ARHGAP20: variants seen among roughly 807,000 people sequenced by gnomAD.
ARHGAP20 encodes rho GTPase-activating protein 20.
Under a neutral mutation model 73.7 loss-of-function variants are expected in ARHGAP20, and 34 were observed. The ratio of observed to expected loss-of-function variants is 0.46; its 90% CI spans 0.35 to 0.61. ARHGAP20 has a LOEUF of 0.61. ARHGAP20 is among the 20% of genes least tolerant of loss of function. ARHGAP20 has a pLI of 0.00. For synonymous variants in ARHGAP20, 523 were observed against 518.2 expected (o/e 1.01, Z -0.13); for missense variants, 1,314 against 1,420.9 (o/e 0.92, Z 1.21).
At chr11:110,697,123 G>A (rs1950351190) in intron 1 of ARHGAP20, among the ~76,000 whole-genome samples, 1 of 150,958 alleles carries the variant, frequency 6.6e-6, no homozygotes, top group African/African-American at 2.4e-5. Flanking sequence ...GGGATTGCAG[G>A]ATTGAATGGT....
chr11:110,638,766 C>T (rs1033332797), intron 2 of ARHGAP20, among the ~76,000 whole-genome samples: 11 of 151,844 alleles, frequency 7.2e-5, no homozygotes, highest in African/African-American at 1.2e-4. Context: ...AACCAAACAC[C>T]GCATGTTCTC....
At chr11:110,700,564 ACTTT>A (rs1950424156) in intron 1 of ARHGAP20, among the ~76,000 whole-genome samples, 1 of 149,808 alleles carries the variant, frequency 6.7e-6, no homozygotes, top group Non-Finnish European at 1.5e-5. Context: ...AAAGATAATT[ACTTT>A]TTTTTTTCTT....
Position 110,620,936 on chromosome 11 carries a change from C to T in ARHGAP20, c.503+3226G>A, listed in dbSNP as rs561746391. Among the ~76,000 whole-genome samples the T allele has an allele frequency of 3.7e-4, 56 of 151,790 alleles. No homozygotes were observed. The Middle Eastern group carries it at 0.01, about 28-fold the overall frequency. On this transcript the variant is annotated intron_variant, in intron 4 of 14. Coordinates refer to ENST00000683387, the MANE Select transcript of ARHGAP20 (RefSeq NM_001384657.1). ...AAAATACAAAAAAATTAGCTGGGCGCGGTGGTGTGCACCTGTAATCCCAGC... is the reference window on the plus strand; with the variant it reads ...AAAATACAAAAAAATTAGCTGGGCGTGGTGGTGTGCACCTGTAATCCCAGC...
At chr11:110,641,592 T>C (rs565131156) in intron 2 of ARHGAP20, among the ~76,000 whole-genome samples, 57 of 152,068 alleles carry the variant, frequency 3.7e-4, no homozygotes, top group African/African-American at 1.4e-3. Flanking sequence ...TTAAGAATAG[T>C]TCTGCTTCAT....
chr11:110,694,349 C>T (rs761356654), intron 1 of ARHGAP20, among the ~76,000 whole-genome samples: 1 of 151,812 alleles, frequency 6.6e-6, no homozygotes, highest in South Asian at 2.1e-4. Flanking sequence ...GGTTGGTGTA[C>T]AAGTAATTGC....
chr11:110,582,431 G>A lies in ARHGAP20; in HGVS notation c.1610C>T (p.Ser537Phe). Residue 537 changes from serine to phenylalanine, a missense_variant, in exon 14 of 15, where the codon TCC becomes TTC. Around this residue, in one of 3 missense-constraint regions of ARHGAP20, gnomAD observed 230 missense variants for 317.6 expected, o/e 0.72. Coordinates refer to ENST00000683387, the MANE Select transcript of ARHGAP20 (RefSeq NM_001384657.1). ...CTCAATCAGAAATTGTATAAGCAGG[G>A]AAACCTGTAAGAAAAAGGACAAACG... ...ELENEFTKKV[S>F]LLIQFLIENC... is the part of the protein sequence containing the mutation. The A allele has an allele frequency of 1.3e-6, 2 of 1,596,024 alleles. No individual in the cohort carries two copies. The highest frequency in any genetic ancestry group is 1.1e-5 in the South Asian group (1 of 90,270).
At position 110,578,448 on chromosome 11, in the gene ARHGAP20, G is replaced by A; in HGVS notation, c.*922C>T. 1 of 985,432 alleles carries A rather than the reference G, an allele frequency of 1.0e-6. No homozygotes were observed. Among genetic ancestry groups the A allele is most frequent in the Non-Finnish European group, 1.2e-6 (1 of 829,942 alleles). 61.0% of individuals were successfully genotyped at this position (985,432 alleles called of 1,614,324 possible). On this transcript the variant is annotated 3_prime_UTR_variant, in exon 15 of 15. Coordinates refer to ENST00000683387, the MANE Select transcript of ARHGAP20 (RefSeq NM_001384657.1). ...TGCAGAAACATTTCAGCAAAGTGATGCCATGGTTTGATCACATTTTAACAG... is the reference window on the plus strand; with the variant it reads ...TGCAGAAACATTTCAGCAAAGTGATACCATGGTTTGATCACATTTTAACAG...
chr11:110,677,400 T>C (rs922594426), intron 2 of ARHGAP20, among the ~76,000 whole-genome samples: 2 of 152,188 alleles, frequency 1.3e-5, no homozygotes, highest in Non-Finnish European at 2.9e-5. Flanking sequence ...ATTCCTGTAA[T>C]CTCACCACTG....
intron 2 of ARHGAP20, among the ~76,000 whole-genome samples, chr11:110,677,618 C>T (rs527914259): frequency 6.6e-6 from 1 of 152,112 alleles, no homozygotes; most frequent in Admixed American, 6.5e-5. Context: ...GCACTCCAGC[C>T]TGAGTGACAG....
At chr11:110,702,008 A>C (rs1449320212) in intron 1 of ARHGAP20, among the ~76,000 whole-genome samples, 2 of 152,144 alleles carry the variant, frequency 1.3e-5, no homozygotes, top group Non-Finnish European at 2.9e-5. Context: ...GTTTGAAGTC[A>C]GGTAATGTGA....
chr11:110,590,798 GA>G lies in ARHGAP20; in HGVS notation c.1154del (p.Phe385SerfsTer20). 1.2e-6 allele frequency: 2 copies of G among 1,612,924 alleles called. No homozygotes were observed. The highest frequency in any genetic ancestry group is 1.7e-6 in the Non-Finnish European group (2 of 1,179,650). On this transcript the variant is annotated frameshift_variant, in exon 11 of 15. Coordinates refer to ENST00000683387, the MANE Select transcript of ARHGAP20 (RefSeq NM_001384657.1). LOFTEE classifies it high-confidence loss of function. ...TGAGAGGTCCTTTTTGATTAAGAAA[GA>G]AAAGCATATCCTATGGGGAAGCAAA... ...NLPKPVLDMLFFLNQKGPLTK... is the reference protein window; with the variant it reads ...NLPKPVLDMLXFLNQKGPLTK...
Position 110,580,260 on chromosome 11 carries a change from G to T in ARHGAP20, c.2686C>A (p.Gln896Lys), listed in dbSNP as rs1170626387. The change falls in exon 15 of 15, where the codon CAG (glutamine) becomes AAG (lysine). Residue 896 changes from glutamine to lysine, a missense_variant. Gln to Lys is a moderately conservative substitution (Grantham distance 53). Coordinates refer to ENST00000683387, the MANE Select transcript of ARHGAP20 (RefSeq NM_001384657.1). Reference protein sequence around the residue: ...KRHKSLQMEGQKLINQSLVMG... With the variant: ...KRHKSLQMEGKKLINQSLVMG... ...ACTAAACTCTGATTAATGAGCTTCT[G>T]CCCCTCCATTTGCAAAGACTTATGC... The T allele has an allele frequency of 6.2e-7, 1 of 1,614,176 alleles. No homozygotes were observed. Among genetic ancestry groups the T allele is most frequent in the South Asian group, 1.1e-5 (1 of 91,074 alleles).
chr11:110,656,667 G>A (rs1440576384), intron 2 of ARHGAP20, among the ~76,000 whole-genome samples: 1 of 152,174 alleles, frequency 6.6e-6, no homozygotes, highest in East Asian at 1.9e-4. Context: ...AAAGTTCTGA[G>A]AAAAAGCCAG....
At chr11:110,690,708 T>C (rs1474523260) in intron 1 of ARHGAP20, 79 bp from the exon 2 acceptor site, 16 of 1,410,110 alleles carry the variant, frequency 1.1e-5, no homozygotes, top group Non-Finnish European at 1.5e-5. Context: ...AAATCCAATT[T>C]AACAAGTTTT....
chr11:110,658,395 G>A (rs1949521197), intron 2 of ARHGAP20, among the ~76,000 whole-genome samples: 1 of 152,260 alleles, frequency 6.6e-6, no homozygotes, highest in South Asian at 2.1e-4. Flanking sequence ...TTGTCTCCCT[G>A]TGGCTCGAGA....
At chr11:110,612,743 A>G (rs1948398063) in intron 6 of ARHGAP20, among the ~76,000 whole-genome samples, 1 of 152,226 alleles carries the variant, frequency 6.6e-6, no homozygotes, top group Non-Finnish European at 1.5e-5. Flanking sequence ...CTTCTCTATG[A>G]GTGAATTATT....
rs571995617 is a variant in ARHGAP20, at chr11:110,688,475, A to T, written c.188+2072T>A. Among the ~76,000 whole-genome samples the T allele has an allele frequency of 1.2e-4, 19 of 152,306 alleles. No homozygotes were observed. The South Asian group carries it at 3.9e-3, about 32-fold the overall frequency. On this transcript the variant is annotated intron_variant, in intron 2 of 14. Transcript: ENST00000683387. ...CATACTCACAAGCTTCCAGTAAAAA[A>T]TTTTACCCAAAACTGTGTATTTGTT...
intron 4 of ARHGAP20, among the ~76,000 whole-genome samples, chr11:110,618,261 A>C (rs1948530150): frequency 6.6e-6 from 1 of 152,348 alleles, no homozygotes. Context: ...TCTACCTTAC[A>C]AAAACAGCAG....
At chr11:110,656,802 G>C in intron 2 of ARHGAP20, among the ~76,000 whole-genome samples, 1 of 152,186 alleles carries the variant, frequency 6.6e-6, no homozygotes, top group East Asian at 1.9e-4. Flanking sequence ...GAGGCCCATG[G>C]AAAAGAACCC....
Sources: gnomAD v4.1 joint callset for allele counts (sites outside exome capture counted in the v4.1 genomes callset) on GRCh38, gnomAD v4.1.1 for gene constraint, gnomAD v4.1.1 regional missense constraint, MANE v1.5 for transcripts, NCBI Gene and HGNC (gene_info 2026-07-23, HGNC 2026-07-21) for gene names.